DYM: variants seen among roughly 807,000 people sequenced by gnomAD.
The protein encoded by DYM is dymeclin.
In DYM, 78 loss-of-function variants were observed where a neutral mutation model predicts 93.1. The observed-to-expected ratio is 0.84, with a 90% confidence interval of 0.70 to 1.01. The LOEUF (loss-of-function observed/expected upper bound fraction) is 1.01, where lower values mean the gene tolerates loss of function less well. Ranked by LOEUF, DYM falls within the 50% of genes least tolerant of loss-of-function variation. DYM has a pLI of 0.00. For missense variants in DYM, 789 were observed against 845.0 expected, an observed-to-expected ratio of 0.93 and a Z score of 0.82; for synonymous variants, 321 against 319.7, an observed-to-expected ratio of 1.00 and a Z score of -0.04.
At chr18:49,237,416 T>A (rs193140092) in intron 13 of DYM, among the ~76,000 whole-genome samples, 65 of 152,362 alleles carry the variant, frequency 4.3e-4, no homozygotes, top group African/African-American at 1.4e-3. Context: ...ACTTTTTTTT[T>A]AAATTGCATA....
intron 11 of DYM, among the ~76,000 whole-genome samples, chr18:49,258,781 GACACACACACACACACAC>G (rs61429427): frequency 1.4e-4 from 16 of 112,368 alleles, no homozygotes; most frequent in Non-Finnish European, 2.6e-4. Flanking sequence ...AGGGATCATA[GACACACACACACACACAC>G]ACACACACAC....
At chr18:49,094,744 T>C (rs1255009916) in intron 17 of DYM, among the ~76,000 whole-genome samples, 1 of 152,210 alleles carries the variant, frequency 6.6e-6, no homozygotes, top group Non-Finnish European at 1.5e-5. Flanking sequence ...GGCTTCCAGA[T>C]CTTACTGTTT....
intron 13 of DYM, among the ~76,000 whole-genome samples, chr18:49,244,893 T>C (rs1219285624): frequency 6.6e-6 from 1 of 152,192 alleles, no homozygotes; most frequent in Non-Finnish European, 1.5e-5. Flanking sequence ...ACAAGGAAGA[T>C]CTTTTTCCTT....
chr18:49,280,760 T>A (rs1568161930), intron 10 of DYM, among the ~76,000 whole-genome samples: 1 of 152,174 alleles, frequency 6.6e-6, no homozygotes, highest in Non-Finnish European at 1.5e-5. Flanking sequence ...ACCAGGCAAA[T>A]AAATTTGCCC....
intron 3 of DYM, among the ~76,000 whole-genome samples, chr18:49,385,783 A>C (rs1403080136): frequency 6.6e-6 from 1 of 152,062 alleles, no homozygotes; most frequent in African/African-American, 2.4e-5. Context: ...CCTAACAAAA[A>C]TAATGGCCAG....
At chr18:49,211,250 A>C (rs191462427) in intron 13 of DYM, among the ~76,000 whole-genome samples, 1 of 152,352 alleles carries the variant, frequency 6.6e-6, no homozygotes, top group East Asian at 1.9e-4. Context: ...CCAAGATTTT[A>C]AAGTGATATT....
At chr18:49,172,086 T>C (rs766932244) in intron 14 of DYM, among the ~76,000 whole-genome samples, 10 of 152,208 alleles carry the variant, frequency 6.6e-5, no homozygotes, top group Non-Finnish European at 1.3e-4. Context: ...CCTGTCACTG[T>C]AGTTGCCTTT....
At chr18:49,104,489 C>G (rs1377037033) in intron 16 of DYM, among the ~76,000 whole-genome samples, 2 of 152,298 alleles carry the variant, frequency 1.3e-5, no homozygotes, top group Middle Eastern at 3.4e-3. Flanking sequence ...CTGTCGTGTG[C>G]CAGTTTTCAA....
intron 14 of DYM, among the ~76,000 whole-genome samples, chr18:49,201,619 C>G (rs1318551339): frequency 6.6e-6 from 1 of 152,240 alleles, no homozygotes; most frequent in Non-Finnish European, 1.5e-5. Context: ...GAATGTAACT[C>G]GTTGCAATAC....
intron 15 of DYM, among the ~76,000 whole-genome samples, chr18:49,150,098 T>A (rs1197142691): frequency 6.6e-6 from 1 of 152,202 alleles, no homozygotes; most frequent in Non-Finnish European, 1.5e-5. Context: ...AGCGCATTCA[T>A]AATGGGTATG....
intron 14 of DYM, among the ~76,000 whole-genome samples, chr18:49,207,194 A>G (rs932326639): frequency 6.6e-6 from 1 of 152,178 alleles, no homozygotes; most frequent in African/African-American, 2.4e-5. Flanking sequence ...TCTGGCACAC[A>G]TGACGAATGC....
chr18:49,444,281 G>A (rs745692720), intron 1 of DYM, among the ~76,000 whole-genome samples: 2 of 152,096 alleles, frequency 1.3e-5, no homozygotes, highest in African/African-American at 4.8e-5. Flanking sequence ...GTCCTGCCAC[G>A]AAACAATACA....
intron 15 of DYM, among the ~76,000 whole-genome samples, chr18:49,140,622 T>G (rs1275084051): frequency 6.6e-6 from 1 of 152,194 alleles, no homozygotes; most frequent in Non-Finnish European, 1.5e-5. Flanking sequence ...TATTAATTAA[T>G]GTAGTGATAT....
chr18:49,138,489 A>G (rs566597118), intron 15 of DYM, among the ~76,000 whole-genome samples: 8 of 152,300 alleles, frequency 5.3e-5, no homozygotes, highest in African/African-American at 1.9e-4. Context: ...CCTGCCCAGC[A>G]GTCTCTGTTT....
chr18:49,399,934 C>CTTTTTTTTTTT (rs1201370040), intron 2 of DYM, among the ~76,000 whole-genome samples: 1 of 66,110 alleles, frequency 1.5e-5, no homozygotes, highest in African/African-American at 5.7e-5. Context: ...TTTTATTTTT[C>CTTTTTTTTTTT]TTTTTTTTTT....
At chr18:49,348,380 G>A (rs1192009350) in intron 6 of DYM, among the ~76,000 whole-genome samples, 9 of 152,010 alleles carry the variant, frequency 5.9e-5, no homozygotes, top group Admixed American at 5.9e-4. Flanking sequence ...TTAGTATAAT[G>A]GCCAGTTTTA....
At chr18:49,305,907 A>G (rs887366571) in intron 8 of DYM, among the ~76,000 whole-genome samples, 1 of 152,216 alleles carries the variant, frequency 6.6e-6, no homozygotes, top group Non-Finnish European at 1.5e-5. Flanking sequence ...AGCTCCATTC[A>G]TTTACCAACA....
chr18:49,453,024 G>A (rs1396717387), intron 1 of DYM, among the ~76,000 whole-genome samples: 1 of 132,540 alleles, frequency 7.5e-6, no homozygotes, highest in Non-Finnish European at 1.6e-5. Flanking sequence ...TCTAGCTAAG[G>A]GATTGTAAAT....
intron 17 of DYM, among the ~76,000 whole-genome samples, chr18:49,068,584 G>A (rs565287264): frequency 6.6e-6 from 1 of 152,284 alleles, no homozygotes; most frequent in South Asian, 2.1e-4. Context: ...TGGAGGTGAG[G>A]AGTATATGAC....
Sources: allele counts gnomAD v4.1 joint callset (sites outside exome capture counted in the v4.1 genomes callset), GRCh38; gene constraint gnomAD v4.1.1; transcripts MANE v1.5; gene names NCBI Gene and HGNC (gene_info 2026-07-23, HGNC 2026-07-21).